The following TBPL2 variants were observed in gnomAD, a reference collection of about 807,000 sequenced individuals.
The protein encoded by TBPL2 is TATA box-binding protein-like 2.
A neutral mutation model predicts 38.2 loss-of-function variants in TBPL2; 40 were observed. The observed-to-expected ratio is 1.05, with a 90% CI of 0.81 to 1.36. The LOEUF is 1.36. Ranked by LOEUF, TBPL2 falls within the 40% of genes most tolerant of loss-of-function variation. The probability of loss-of-function intolerance (pLI) is 0.00; values close to 1 mark genes in which losing one functional copy is unlikely to be tolerated. For missense variants in TBPL2, 461 were observed against 456.7 expected, an observed-to-expected ratio of 1.01 and a Z score of -0.09; for synonymous variants, 169 against 171.7, an observed-to-expected ratio of 0.98 and a Z score of 0.12.
At chr14:55,416,012 T>C (rs1411750051) in intron 6 of TBPL2, among the ~76,000 whole-genome samples, 1 of 152,168 alleles carries the variant, frequency 6.6e-6, no homozygotes, top group Non-Finnish European at 1.5e-5. Flanking sequence ...TAAGATTCTA[T>C]GTATAAGAAG....
intron 3 of TBPL2, 108 bp from the exon 4 acceptor site, chr14:55,433,829 C>G: frequency 1.1e-6 from 1 of 927,484 alleles, no homozygotes; most frequent in South Asian, 1.9e-5. Flanking sequence ...GATGGGAAAA[C>G]TAAATGTCTG....
chr14:55,426,084 T>C (rs1175323748), intron 5 of TBPL2, among the ~76,000 whole-genome samples: 1 of 151,914 alleles, frequency 6.6e-6, no homozygotes, highest in African/African-American at 2.4e-5. Flanking sequence ...CTGGCCAATA[T>C]GGTAAAACCT....
At chr14:55,429,466 T>A (rs1419971425) in intron 4 of TBPL2, among the ~76,000 whole-genome samples, 1 of 152,174 alleles carries the variant, frequency 6.6e-6, no homozygotes, top group Non-Finnish European at 1.5e-5. Context: ...GTATGTCCCA[T>A]TTAGAAGAGA....
At chr14:55,437,008 G>A (rs1204700338) in exon 2 of TBPL2, 1 of 1,613,876 alleles carries the variant, frequency 6.2e-7, no homozygotes, top group Admixed American at 1.7e-5. Context: ...CCTGGGTGGG[G>A]CAAGGCCATC....
At chr14:55,428,786 C>A in intron 5 of TBPL2, 21 bp downstream of exon 5, 2 of 1,596,790 alleles carry the variant, frequency 1.3e-6, no homozygotes, top group South Asian at 2.3e-5. Context: ...ATTCAAAGTT[C>A]AAGCTATATA....
At chr14:55,437,121 G>A in intron 1 of TBPL2, 103 bp from the exon 2 acceptor site, 1 of 990,102 alleles carries the variant, frequency 1.0e-6, no homozygotes, top group Non-Finnish European at 1.5e-6. Context: ...TGTATTCAGT[G>A]TAAGAGGCAG....
chr14:55,416,331 C>A (rs1438908193), intron 6 of TBPL2, among the ~76,000 whole-genome samples: 3 of 152,074 alleles, frequency 2.0e-5, no homozygotes, highest in African/African-American at 2.4e-5. Flanking sequence ...GTGGCTCACA[C>A]CTGTAATTCC....
intron 6 of TBPL2, among the ~76,000 whole-genome samples, chr14:55,420,911 A>T (rs868668820): frequency 2.6e-5 from 4 of 152,164 alleles, no homozygotes; most frequent in Admixed American, 6.5e-5. Flanking sequence ...TACAAAAAAA[A>T]TTAGCTGGGC....
chr14:55,440,308 G>A (rs1226401448), intron 1 of TBPL2, 88 bp downstream of exon 1: 1 of 1,496,158 alleles, frequency 6.7e-7, no homozygotes, highest in African/African-American at 1.4e-5. Flanking sequence ...TGGTCGCTAT[G>A]AGTTTTAAGA....
intron 1 of TBPL2, among the ~76,000 whole-genome samples, chr14:55,437,411 G>A (rs1322206011): frequency 6.6e-6 from 1 of 152,260 alleles, no homozygotes; most frequent in Non-Finnish European, 1.5e-5. Context: ...CTGGGAGGCA[G>A]AGGTTGCAGT....
chr14:55,424,390 T>A, intron 5 of TBPL2, 137 bp from the exon 6 acceptor site: 1 of 567,044 alleles, frequency 1.8e-6, no homozygotes, highest in East Asian at 2.8e-5. Context: ...ACTTTTTAAC[T>A]ATCTTGATGA....
chr14:55,439,684 A>C lies in TBPL2; in HGVS notation c.150+712T>G, dbSNP rs566760744. Among the ~76,000 whole-genome samples, 174 of 148,100 alleles carry C rather than the reference A, an allele frequency of 1.2e-3. 1 individual carries two copies. Among genetic ancestry groups the C allele is most frequent in the African/African-American group, 4.1e-3 (164 of 39,952 alleles). On this transcript the variant is annotated intron_variant, in intron 1 of 6. Transcript: ENST00000247219. The stretch of plus-strand genomic sequence containing the variant: ...GGTGGCTCACGCCTGTAATCCCAGC[A>C]CTTTGGGAGGCCAAGGCGGGTGGAT...
chr14:55,430,190 G>A (rs1383603902), intron 4 of TBPL2, among the ~76,000 whole-genome samples: 1 of 152,086 alleles, frequency 6.6e-6, no homozygotes, highest in African/African-American at 2.4e-5. Context: ...TGAATCAGGT[G>A]AATTCCACCC....
At chr14:55,428,567 T>G (rs991864039) in intron 5 of TBPL2, among the ~76,000 whole-genome samples, 1 of 152,168 alleles carries the variant, frequency 6.6e-6, no homozygotes, top group Non-Finnish European at 1.5e-5. Context: ...CAGAGATGTG[T>G]GCTTTAATAA....
intron 4 of TBPL2, among the ~76,000 whole-genome samples, chr14:55,431,985 A>G (rs1238920540): frequency 1.3e-5 from 2 of 152,226 alleles, no homozygotes; most frequent in Admixed American, 1.3e-4. Context: ...GAAAAAGACC[A>G]AAAAATATAT....
At chr14:55,435,436 C>A (rs1404568931) in intron 3 of TBPL2, among the ~76,000 whole-genome samples, 2 of 152,024 alleles carry the variant, frequency 1.3e-5, no homozygotes, top group African/African-American at 4.8e-5. Context: ...CCACAACATC[C>A]AGCTAATTTT....
intron 1 of TBPL2, among the ~76,000 whole-genome samples, chr14:55,439,774 C>G (rs1011172971): frequency 6.6e-6 from 1 of 151,344 alleles, no homozygotes; most frequent in African/African-American, 2.4e-5. Context: ...ACTAAAAATA[C>G]AAAAAAATTA....
rs369348764 is a variant in TBPL2 at position 55,437,306 on chromosome 14, C to T, written c.151-288G>A. ...TAGCCTGGCCAATGTGGTGAAACCA[C>T]GTCTCTACTAAAAATGCAAAAATTA... On this transcript the variant is annotated intron_variant, in intron 1 of 6. Coordinates refer to ENST00000247219, the Ensembl canonical transcript of TBPL2. 2.7e-4 allele frequency among the ~76,000 whole-genome samples: 41 copies of T among 152,364 alleles called. No individual in the cohort carries two copies. The South Asian group carries it at 7.5e-3, about 28-fold the overall frequency.
At chr14:55,434,872 C>T (rs900692348) in intron 3 of TBPL2, among the ~76,000 whole-genome samples, 2 of 152,126 alleles carry the variant, frequency 1.3e-5, no homozygotes, top group Non-Finnish European at 2.9e-5. Context: ...TCCATAAATC[C>T]TCCACCACCT....
Sources: gnomAD v4.1 joint callset for allele counts (sites outside exome capture counted in the v4.1 genomes callset) on GRCh38, gnomAD v4.1.1 for gene constraint, MANE v1.5 for transcripts, NCBI Gene and HGNC (gene_info 2026-07-23, HGNC 2026-07-21) for gene names.